ZNG1B: variants seen among roughly 807,000 people sequenced by gnomAD.
The protein encoded by ZNG1B is zinc-regulated GTPase metalloprotein activator 1B.
chr2:113,494,727 T>A, the ZNG1B span: 1 of 924,698 alleles, frequency 1.1e-6, no homozygotes. Flanking sequence ...ATAATCAAAC[T>A]CCTTTAACTT....
At chr2:113,469,974 C>G in the ZNG1B span, 1 of 149,714 alleles carries the variant, frequency 6.7e-6, no homozygotes, top group Non-Finnish European at 1.5e-5. Flanking sequence ...TATGAGAAAT[C>G]ACTGTCCTCT....
chr2:113,488,815 CAAAG>C, the ZNG1B span, among the ~76,000 whole-genome samples: 1 of 134,816 alleles, frequency 7.4e-6, no homozygotes, highest in South Asian at 2.5e-4. Flanking sequence ...CCAATAAAGA[CAAAG>C]AAAAAAGAAT....
the ZNG1B span, chr2:113,444,238 A>G: frequency 0.057 from 17,685 of 312,848 alleles, no homozygotes; most frequent in African/African-American, 0.23. Context: ...AAAACCTTAC[A>G]TTATGTTCTA....
the ZNG1B span, among the ~76,000 whole-genome samples, chr2:113,457,812 A>G: frequency 3.5e-5 from 5 of 141,648 alleles, no homozygotes; most frequent in Admixed American, 7.5e-5. Flanking sequence ...CAAGTATACA[A>G]TAGAATTAAC....
chr2:113,477,215 T>C, the ZNG1B span, among the ~76,000 whole-genome samples: 1 of 152,190 alleles, frequency 6.6e-6, no homozygotes, highest in Admixed American at 6.5e-5. Context: ...GGATATAATC[T>C]CGTGGTGCGC....
the ZNG1B span, chr2:113,439,068 A>G: frequency 5.2e-6 from 8 of 1,542,690 alleles, no homozygotes; most frequent in Middle Eastern, 2.3e-4. Context: ...TCTTGTCCAA[A>G]ACAATGTATT....
chr2:113,481,721 C>G, the ZNG1B span: 1 of 169,484 alleles, frequency 5.9e-6, no homozygotes, highest in African/African-American at 2.4e-5. Flanking sequence ...TTAATAAGTT[C>G]AAGGGAAAAC....
At chr2:113,467,019 G>A in the ZNG1B span, among the ~76,000 whole-genome samples, 5 of 139,176 alleles carry the variant, frequency 3.6e-5, no homozygotes, top group Admixed American at 2.2e-4. Flanking sequence ...AGCTGAGATC[G>A]CACCACTGCA....
At chr2:113,438,501 A>G in the ZNG1B span, among the ~76,000 whole-genome samples, 4 of 152,160 alleles carry the variant, frequency 2.6e-5, no homozygotes, top group Admixed American at 2.0e-4. Flanking sequence ...TCCTCCAGCC[A>G]GTTGGCAGGG....
the ZNG1B span, among the ~76,000 whole-genome samples, chr2:113,446,761 C>G: frequency 1.5e-5 from 2 of 130,912 alleles, no homozygotes; most frequent in Non-Finnish European, 3.3e-5. Flanking sequence ...CACACACACG[C>G]ACATGCACAC....
chr2:113,445,819 G>C, the ZNG1B span, among the ~76,000 whole-genome samples: 2 of 137,548 alleles, frequency 1.5e-5, no homozygotes, highest in Admixed American at 1.5e-4. Context: ...TTTTTGATCT[G>C]GGTCTCTGGC....
At chr2:113,461,027 T>TTATATA in the ZNG1B span, among the ~76,000 whole-genome samples, 159 of 144,360 alleles carry the variant, frequency 1.1e-3, no homozygotes, top group East Asian at 4.2e-3. Context: ...ATTGAAGATT[T>TTATATA]TATATATATA....
At chr2:113,469,571 G>C in the ZNG1B span, 1 of 144,740 alleles carries the variant, frequency 6.9e-6, no homozygotes, top group East Asian at 2.1e-4. Context: ...TTCTTTGCTT[G>C]ATCATTTTTC....
the ZNG1B span, among the ~76,000 whole-genome samples, chr2:113,442,175 A>G: frequency 5.3e-5 from 8 of 152,170 alleles, no homozygotes; most frequent in African/African-American, 2.4e-5. Context: ...TTAAAACTCA[A>G]TATTTTAAAA....
chr2:113,445,811 T>C, the ZNG1B span, among the ~76,000 whole-genome samples: 3 of 150,000 alleles, frequency 2.0e-5, no homozygotes, highest in African/African-American at 7.4e-5. Flanking sequence ...TTTTTTTTTT[T>C]TTGATCTGGG....
At chr2:113,471,888 G>A in the ZNG1B span, among the ~76,000 whole-genome samples, 1 of 151,770 alleles carries the variant, frequency 6.6e-6, no homozygotes, top group South Asian at 2.1e-4. Flanking sequence ...ATCATTGTTG[G>A]ACATTTGGGT....
the ZNG1B span, among the ~76,000 whole-genome samples, chr2:113,463,863 G>T: frequency 1.3e-5 from 2 of 151,506 alleles, no homozygotes; most frequent in South Asian, 4.2e-4. Context: ...TAGTAAAAAA[G>T]GGAAGAAAGA....
chr2:113,459,561 G>A, the ZNG1B span, among the ~76,000 whole-genome samples: 6 of 151,578 alleles, frequency 4.0e-5, no homozygotes, highest in Admixed American at 2.0e-4. Flanking sequence ...AAGTCCCTGT[G>A]ATTGTATATA....
chr2:113,485,787 T>G, the ZNG1B span, among the ~76,000 whole-genome samples: 12 of 152,226 alleles, frequency 7.9e-5, no homozygotes, highest in South Asian at 1.7e-3. Context: ...TAAAAGTTAT[T>G]GTATGTTAGG....
Sources: gnomAD v4.1 joint callset for allele counts (sites outside exome capture counted in the v4.1 genomes callset) on GRCh38, gnomAD v4.1.1 for gene constraint, MANE v1.5 for transcripts, NCBI Gene and HGNC (gene_info 2026-07-23, HGNC 2026-07-21) for gene names.